LHFPL3: variants seen among roughly 807,000 people sequenced by gnomAD.
The protein encoded by LHFPL3 is LHFPL tetraspan subfamily member 3, also known as LHFPL tetraspan subfamily member 3 protein.
LHFPL3 carries 5 observed loss-of-function variants against 19.3 expected under a neutral mutation model. The ratio of observed to expected loss-of-function variants is 0.26; its 90% CI spans 0.14 to 0.54. The LOEUF (loss-of-function observed/expected upper bound fraction) is 0.54, where lower values mean the gene tolerates loss of function less well. LHFPL3 is among the 20% of genes least tolerant of loss of function. LHFPL3 has a pLI of 0.94. For synonymous variants in LHFPL3, 133 were observed against 126.2 expected, an observed-to-expected ratio of 1.05 and a Z score of -0.36; for missense variants, 249 against 307.4, an observed-to-expected ratio of 0.81 and a Z score of 1.42.
At chr7:104,441,272 A>G (rs1287804736) in intron 1 of LHFPL3, among the ~76,000 whole-genome samples, 6 of 152,136 alleles carry the variant, frequency 3.9e-5, no homozygotes, top group South Asian at 2.1e-4. Flanking sequence ...CATGCCTCAT[A>G]TAAGTGAAAT....
chr7:104,526,574 T>C (rs950367284), intron 1 of LHFPL3, among the ~76,000 whole-genome samples: 1 of 152,230 alleles, frequency 6.6e-6, no homozygotes, highest in Admixed American at 6.5e-5. Context: ...TCCATTGCTG[T>C]GACATACCTC....
intron 2 of LHFPL3, among the ~76,000 whole-genome samples, chr7:104,784,366 G>A (rs1167433793): frequency 6.6e-6 from 1 of 152,118 alleles, no homozygotes; most frequent in Non-Finnish European, 1.5e-5. Context: ...TCTGGACCTC[G>A]CCTGCAAAAT....
chr7:104,732,302 C>T (rs562245875), intron 1 of LHFPL3, among the ~76,000 whole-genome samples: 1 of 152,286 alleles, frequency 6.6e-6, no homozygotes, highest in Non-Finnish European at 1.5e-5. Flanking sequence ...AGGCTTGGTA[C>T]CAGCTGCTCC....
chr7:104,558,930 A>C (rs1789923556), intron 1 of LHFPL3, among the ~76,000 whole-genome samples: 1 of 147,310 alleles, frequency 6.8e-6, no homozygotes, highest in African/African-American at 2.6e-5. Context: ...CATTTATTAA[A>C]TAGGGAATCC....
chr7:104,555,616 T>C (rs1794749639), intron 1 of LHFPL3, among the ~76,000 whole-genome samples: 2 of 152,302 alleles, frequency 1.3e-5, no homozygotes, highest in Middle Eastern at 3.4e-3. Context: ...TTGTGGTAGT[T>C]ACAATTCAAG....
At chr7:104,698,157 T>A (rs1029987905) in intron 1 of LHFPL3, among the ~76,000 whole-genome samples, 1 of 152,184 alleles carries the variant, frequency 6.6e-6, no homozygotes, top group African/African-American at 2.4e-5. Flanking sequence ...GTAGCTTTTG[T>A]TACATTTTGC....
intron 1 of LHFPL3, among the ~76,000 whole-genome samples, chr7:104,465,303 A>G (rs934699288): frequency 4.6e-5 from 7 of 152,186 alleles, no homozygotes; most frequent in African/African-American, 7.2e-5. Context: ...GGAAGTTCCA[A>G]ACTTTTCCAC....
chr7:104,615,931 G>A (rs1414685733), intron 1 of LHFPL3, among the ~76,000 whole-genome samples: 1 of 152,090 alleles, frequency 6.6e-6, no homozygotes, highest in East Asian at 1.9e-4. Flanking sequence ...AACCTGCAAG[G>A]GATGTGAAGG....
intron 2 of LHFPL3, among the ~76,000 whole-genome samples, chr7:104,810,635 AT>A (rs1790446270): frequency 6.6e-6 from 1 of 152,130 alleles, no homozygotes. Context: ...TGCCCATATC[AT>A]TTTTTGTCCA....
chr7:104,478,053 G>A (rs1207572534), intron 1 of LHFPL3, among the ~76,000 whole-genome samples: 1 of 152,162 alleles, frequency 6.6e-6, no homozygotes, highest in East Asian at 1.9e-4. Context: ...GCATTAAAAT[G>A]TTAAATGTCA....
intron 1 of LHFPL3, among the ~76,000 whole-genome samples, chr7:104,513,454 G>A (rs139008045): frequency 1.3e-5 from 2 of 152,332 alleles, no homozygotes; most frequent in East Asian, 1.9e-4. Flanking sequence ...AAGAGAGAAC[G>A]TGAGGGAGAA....
At chr7:104,686,999 A>G (rs975376748) in intron 1 of LHFPL3, among the ~76,000 whole-genome samples, 1 of 152,106 alleles carries the variant, frequency 6.6e-6, no homozygotes, top group Admixed American at 6.5e-5. Flanking sequence ...CCATAATCTA[A>G]TCACCTCCTA....
At chr7:104,438,070 T>G (rs1412690789) in intron 1 of LHFPL3, among the ~76,000 whole-genome samples, 1 of 152,174 alleles carries the variant, frequency 6.6e-6, no homozygotes, top group Non-Finnish European at 1.5e-5. Flanking sequence ...GGAAGCTGTA[T>G]GTTAGAACCT....
At chr7:104,362,142 T>G (rs1790399170) in intron 1 of LHFPL3, among the ~76,000 whole-genome samples, 2 of 152,216 alleles carry the variant, frequency 1.3e-5, no homozygotes, top group African/African-American at 4.8e-5. Context: ...AGAACTTTGG[T>G]GCAGGCAGTT....
At chr7:104,683,687 C>T (rs1184802623) in intron 1 of LHFPL3, among the ~76,000 whole-genome samples, 1 of 152,142 alleles carries the variant, frequency 6.6e-6, no homozygotes, top group Non-Finnish European at 1.5e-5. Flanking sequence ...ATAATGATGG[C>T]TCCTTATTTA....
chr7:104,380,071 A>G (rs1790799177), intron 1 of LHFPL3, among the ~76,000 whole-genome samples: 1 of 152,198 alleles, frequency 6.6e-6, no homozygotes, highest in Non-Finnish European at 1.5e-5. Flanking sequence ...GTTAACTAAA[A>G]TCAAACTGTT....
intron 1 of LHFPL3, among the ~76,000 whole-genome samples, chr7:104,706,411 G>A (rs1793191372): frequency 6.6e-6 from 1 of 152,156 alleles, no homozygotes; most frequent in South Asian, 2.1e-4. Context: ...AGGACCACCA[G>A]CACCTCTCTA....
chr7:104,517,327 ATAAT>A (rs1049899594), intron 1 of LHFPL3, among the ~76,000 whole-genome samples: 8 of 152,002 alleles, frequency 5.3e-5, no homozygotes, highest in Non-Finnish European at 1.0e-4. Flanking sequence ...AACCTTAAAA[ATAAT>A]TAATTAAATT....
chr7:104,627,397 T>C (rs778517266), intron 1 of LHFPL3, among the ~76,000 whole-genome samples: 11 of 152,228 alleles, frequency 7.2e-5, no homozygotes, highest in Non-Finnish European at 1.5e-4. Context: ...AGGTTGATTC[T>C]ATACCTTGGC....
Sources: allele counts gnomAD v4.1 joint callset (sites outside exome capture counted in the v4.1 genomes callset), GRCh38; gene constraint gnomAD v4.1.1; transcripts MANE v1.5; gene names NCBI Gene and HGNC (gene_info 2026-07-23, HGNC 2026-07-21).